The following IGF1R variants were observed in gnomAD, a reference collection of about 807,000 sequenced individuals.
IGF1R encodes insulin like growth factor 1 receptor.
Under a neutral mutation model 144.6 loss-of-function variants are expected in IGF1R, and 44 were observed. The observed-to-expected ratio is 0.30, with a 90% CI of 0.24 to 0.39. The LOEUF is 0.39. Ranked by LOEUF, IGF1R falls within the 10% of genes least tolerant of loss-of-function variation. The pLI, the probability that IGF1R is intolerant of heterozygous loss-of-function variation, is 1.00. For missense variants in IGF1R, 1,355 were observed against 1,833.7 expected, an observed-to-expected ratio of 0.74 and a Z score of 4.77; for synonymous variants, 795 against 722.8, an observed-to-expected ratio of 1.10 and a Z score of -1.60.
intron 2 of IGF1R, among the ~76,000 whole-genome samples, chr15:98,728,711 A>G (rs1205273744): frequency 1.3e-5 from 2 of 152,206 alleles, no homozygotes; most frequent in African/African-American, 4.8e-5. Flanking sequence ...CTGGGAGTGC[A>G]TTCTGCACTC....
At chr15:98,721,937 G>A (rs1448061416) in intron 2 of IGF1R, among the ~76,000 whole-genome samples, 1 of 152,174 alleles carries the variant, frequency 6.6e-6, no homozygotes, top group African/African-American at 2.4e-5. Context: ...CATCATTAAG[G>A]AAGTGGAAGC....
At chr15:98,796,834 C>T (rs1044096292) in intron 2 of IGF1R, among the ~76,000 whole-genome samples, 9 of 152,190 alleles carry the variant, frequency 5.9e-5, no homozygotes, top group Non-Finnish European at 8.8e-5. Context: ...TGAGAACAGC[C>T]TGGCACAAAG....
At position 98,675,826 on chromosome 15, in the gene IGF1R, C is replaced by CTTTTTTTTT. The variant is rs869068918; in HGVS notation, c.94+26162_94+26170dup. 3.0e-4 allele frequency among the ~76,000 whole-genome samples: 14 copies of CTTTTTTTTT among 46,150 alleles called. 1 individual carries two copies. Among genetic ancestry groups the CTTTTTTTTT allele is most frequent in the African/African-American group, 6.7e-4 (14 of 20,808 alleles). 30.3% of individuals were successfully genotyped at this position (46,150 alleles called of 152,430 possible). The stretch of plus-strand genomic sequence containing the variant: ...TTTTCTTTTTTTTCTTTCTTTCTTT[C>CTTTTTTTTT]TTTTTTTTTTTTTTTTTTTGAGAGA... On this transcript the variant is annotated intron_variant, in intron 1 of 20. Coordinates refer to ENST00000650285, the MANE Select transcript of IGF1R (RefSeq NM_000875.5).
intron 1 of IGF1R, among the ~76,000 whole-genome samples, chr15:98,670,780 C>G (rs1438426030): frequency 6.6e-6 from 1 of 152,348 alleles, no homozygotes; most frequent in East Asian, 1.9e-4. Context: ...ACAACTGACA[C>G]AGGAAATGAC....
chr15:98,840,549 A>T (rs745431582), intron 2 of IGF1R, among the ~76,000 whole-genome samples: 10 of 152,248 alleles, frequency 6.6e-5, no homozygotes, highest in African/African-American at 2.4e-4. Flanking sequence ...TCCTGGGTTC[A>T]TGCAGTCCTC....
At chr15:98,773,519 TG>T (rs1414584308) in intron 2 of IGF1R, among the ~76,000 whole-genome samples, 2 of 152,110 alleles carry the variant, frequency 1.3e-5, no homozygotes, top group Non-Finnish European at 2.9e-5. Flanking sequence ...TGGGGTGCCT[TG>T]GGGGACATGG....
intron 1 of IGF1R, among the ~76,000 whole-genome samples, chr15:98,675,637 G>A (rs943565515): frequency 4.6e-5 from 7 of 151,946 alleles, no homozygotes; most frequent in African/African-American, 1.2e-4. Context: ...AGTCAAAATC[G>A]GTTAATCATG....
intron 2 of IGF1R, among the ~76,000 whole-genome samples, chr15:98,734,084 G>T (rs541322986): frequency 2.0e-5 from 3 of 152,254 alleles, no homozygotes; most frequent in South Asian, 2.1e-4. Context: ...AAAAGAGCGC[G>T]CATCGTATAA....
chr15:98,692,537 C>G (rs563904221), intron 1 of IGF1R, among the ~76,000 whole-genome samples: 3 of 152,132 alleles, frequency 2.0e-5, no homozygotes, highest in Non-Finnish European at 4.4e-5. Context: ...GTGCATTTCT[C>G]TAATTGTCAG....
chr15:98,738,674 C>T (rs1370692946), intron 2 of IGF1R, among the ~76,000 whole-genome samples: 1 of 152,144 alleles, frequency 6.6e-6, no homozygotes, highest in Admixed American at 6.5e-5. Context: ...AGGTGAATTT[C>T]TCTATTAAGG....
intron 20 of IGF1R, chr15:98,953,111 G>T (rs12148482): frequency 0.21 from 31,958 of 152,034 alleles, 3,529 homozygotes; most frequent in East Asian, 0.33. Context: ...CGGGTCCCAG[G>T]TGAGAAAGTG....
rs71455095 is a variant in IGF1R at position 98,728,013 on chromosome 15, T to TTTG, written c.640+19908_640+19909insGTT. On this transcript the variant is annotated intron_variant, in intron 2 of 20. Transcript: ENST00000650285. ...TACTCACTGAAGATGCATTGTTTTTTTTTTTTTTTTTTTTTTAAGCGAGCA... is the reference window on the plus strand; with the variant it reads ...TACTCACTGAAGATGCATTGTTTTTTTTGTTTTTTTTTTTTTTTTAAGCGAGCA... Among the ~76,000 whole-genome samples, 578 of 150,098 alleles carry TTTG rather than the reference T, an allele frequency of 3.9e-3. 1 individual carries two copies. The highest frequency in any genetic ancestry group is 6.5e-3 in the Non-Finnish European group (438 of 67,326).
At position 98,704,662 on chromosome 15, in the gene IGF1R, A is replaced by G. The variant is rs2053818328; in HGVS notation, c.95-2900A>G. ...CTGCACACCAAGTACTGTTTTAGGC[A>G]CTGGTGATATAATTGTGAACCAACT... On this transcript the variant is annotated intron_variant, in intron 1 of 20. Transcript: ENST00000650285. This position sits in a 1 kb window ranked among gnomAD's most constrained non-coding sequence, Gnocchi z 4.9. Among the ~76,000 whole-genome samples, 2 of 152,186 alleles carry G rather than the reference A, an allele frequency of 1.3e-5. No homozygotes were observed. Among genetic ancestry groups the G allele is most frequent in the Admixed American group, 1.3e-4 (2 of 15,280 alleles).
chr15:98,888,671 C>T (rs7179555), intron 2 of IGF1R, among the ~76,000 whole-genome samples: 7,693 of 152,142 alleles, frequency 0.051, 334 homozygotes, highest in East Asian at 0.15. Flanking sequence ...AGAGCCAATC[C>T]TTATCAACAA....
chr15:98,929,195 C>T (rs375487358), intron 13 of IGF1R, among the ~76,000 whole-genome samples: 22 of 152,116 alleles, frequency 1.4e-4, no homozygotes, highest in Middle Eastern at 3.4e-3. Context: ...GGACCAAACC[C>T]TGGAACATTC....
At position 98,891,710 on chromosome 15, in the gene IGF1R, CTG is replaced by C. The variant is rs760370741; in HGVS notation, c.953+75_953+76del. 7 of 1,467,524 alleles carry C rather than the reference CTG, an allele frequency of 4.8e-6. No homozygotes were observed. The highest frequency in any genetic ancestry group is 6.5e-6 in the Non-Finnish European group (7 of 1,070,978). 90.9% of individuals were successfully genotyped at this position (1,467,524 alleles called of 1,614,324 possible). On this transcript the variant is annotated intron_variant, in intron 3 of 20. Transcript: ENST00000650285. The surrounding 1 kb of genome is among the most constrained non-coding windows in gnomAD (Gnocchi z 4.7). ...CCACCCTAGCACACAAAGGTAGACT[CTG>C]TCGGTTGTTTCATCCGGGTGCAGCC...
chr15:98,899,272 C>T (rs573387486), intron 4 of IGF1R, among the ~76,000 whole-genome samples: 10 of 152,202 alleles, frequency 6.6e-5, no homozygotes, highest in Non-Finnish European at 1.5e-4. Context: ...CTTGGCTTCC[C>T]CTGCCTGGGA....
intron 2 of IGF1R, among the ~76,000 whole-genome samples, chr15:98,800,492 A>G (rs996917262): frequency 6.6e-6 from 1 of 151,962 alleles, no homozygotes; most frequent in African/African-American, 2.4e-5. Context: ...ACAAAGAACA[A>G]CCTTTGATTA....
In IGF1R at chr15:98,850,216, C is replaced by G. The variant is rs557309648; in HGVS notation, c.641-41109C>G. On this transcript the variant is annotated intron_variant, in intron 2 of 20. Transcript: ENST00000650285. ...ATCACCTCATGAAGAAAATGAAGGT[C>G]TGTGTGATAGTAGCTGGCAGGTGGG... 2.6e-5 allele frequency among the ~76,000 whole-genome samples: 4 copies of G among 152,326 alleles called. No individual in the cohort carries two copies. The South Asian group carries it at 6.2e-4, about 24-fold the overall frequency.
Sources: allele counts gnomAD v4.1 joint callset (sites outside exome capture counted in the v4.1 genomes callset), GRCh38; gene constraint gnomAD v4.1.1; non-coding constraint Gnocchi (gnomAD v3.1); transcripts MANE v1.5; gene names NCBI Gene and HGNC (gene_info 2026-07-23, HGNC 2026-07-21).